The following COMMD7 variants were observed in gnomAD, a reference collection of about 807,000 sequenced individuals.
COMMD7 encodes the protein COMM domain containing 7.
Under a neutral mutation model 34.8 loss-of-function variants are expected in COMMD7, and 28 were observed. That is an observed-to-expected ratio of 0.80 (90% CI 0.60 to 1.10). The LOEUF (loss-of-function observed/expected upper bound fraction) is 1.10, where lower values mean the gene tolerates loss of function less well. COMMD7 is among the 50% of genes least tolerant of loss of function. COMMD7 has a pLI of 0.00. For missense variants in COMMD7, 211 were observed against 241.6 expected (o/e 0.87, Z 0.84); for synonymous variants, 80 against 86.4 (o/e 0.93, Z 0.41).
chr20:32,736,247 G>C (rs1986124928), intron 1 of COMMD7, among the ~76,000 whole-genome samples: 1 of 152,172 alleles, frequency 6.6e-6, no homozygotes, highest in South Asian at 2.1e-4. Context: ...CTACACCTTA[G>C]AATTCAAAAT....
intron 3 of COMMD7, among the ~76,000 whole-genome samples, chr20:32,714,621 C>T (rs541688871): frequency 6.6e-6 from 1 of 150,560 alleles, no homozygotes; most frequent in East Asian, 2.0e-4. Flanking sequence ...GGCAGGAGTT[C>T]GAGGCCAGCC....
intron 1 of COMMD7, among the ~76,000 whole-genome samples, chr20:32,741,380 C>A (rs1986434927): frequency 7.4e-6 from 1 of 134,324 alleles, no homozygotes. Flanking sequence ...TGCCACCGTA[C>A]CCAACTAGAA....
intron 3 of COMMD7, among the ~76,000 whole-genome samples, chr20:32,717,816 TA>T (rs1183417714): frequency 6.6e-6 from 1 of 151,206 alleles, no homozygotes; most frequent in South Asian, 2.1e-4. Flanking sequence ...AAACATTTTT[TA>T]AAAAAGGCAA....
intron 3 of COMMD7, among the ~76,000 whole-genome samples, chr20:32,723,229 C>T (rs1985301023): frequency 2.3e-5 from 1 of 44,146 alleles, no homozygotes; most frequent in Admixed American, 1.7e-4. Context: ...CATCTCGGCT[C>T]ACTGCAACCT....
chr20:32,717,376 A>G (rs1984861217), intron 3 of COMMD7, among the ~76,000 whole-genome samples: 1 of 147,794 alleles, frequency 6.8e-6, no homozygotes, highest in Admixed American at 6.9e-5. Context: ...CCCAGGCTGG[A>G]GTGCAGTGGT....
intron 3 of COMMD7, among the ~76,000 whole-genome samples, 167 bp downstream of exon 3, chr20:32,727,726 A>G (rs1985596694): frequency 6.6e-6 from 1 of 151,978 alleles, no homozygotes; most frequent in African/African-American, 2.4e-5. Flanking sequence ...CAACTATACT[A>G]TGTTCACCTG....
At chr20:32,715,854 A>G (rs1334572080) in intron 3 of COMMD7, among the ~76,000 whole-genome samples, 1 of 152,232 alleles carries the variant, frequency 6.6e-6, no homozygotes, top group Non-Finnish European at 1.5e-5. Context: ...AATTAATTAA[A>G]AACAGGCTTA....
intron 1 of COMMD7, among the ~76,000 whole-genome samples, chr20:32,740,009 G>A (rs1489091978): frequency 7.3e-6 from 1 of 137,348 alleles, no homozygotes; most frequent in Non-Finnish European, 1.6e-5. Context: ...GCAACAAAGC[G>A]AGACTGTCTT....
intron 1 of COMMD7, among the ~76,000 whole-genome samples, chr20:32,732,794 G>A (rs1248890136): frequency 1.3e-5 from 2 of 151,906 alleles, no homozygotes; most frequent in Non-Finnish European, 2.9e-5. Flanking sequence ...AAATTAGCCG[G>A]TCTTGGAAGT....
intron 1 of COMMD7, among the ~76,000 whole-genome samples, chr20:32,731,911 T>C (rs1166634506): frequency 6.6e-6 from 1 of 152,128 alleles, no homozygotes; most frequent in South Asian, 2.1e-4. Flanking sequence ...ACTAGAGAAA[T>C]GCAAATCAGT....
At chr20:32,732,643 G>A (rs922529859) in intron 1 of COMMD7, among the ~76,000 whole-genome samples, 5 of 151,886 alleles carry the variant, frequency 3.3e-5, no homozygotes, top group Non-Finnish European at 1.5e-5. Context: ...AAGAAAAAAA[G>A]AGGCCTGGCA....
chr20:32,726,426 G>T (rs907358681), intron 3 of COMMD7, among the ~76,000 whole-genome samples: 1 of 152,006 alleles, frequency 6.6e-6, no homozygotes, highest in African/African-American at 2.4e-5. Flanking sequence ...TCAAGCCCAG[G>T]CACAGGGACT....
rs781297062 is a variant in COMMD7, at chr20:32,706,600, T to C, written c.319A>G (p.Thr107Ala). The C allele has an allele frequency of 5.6e-6, 9 of 1,609,412 alleles. No individual in the cohort carries two copies. The highest frequency in any genetic ancestry group is 5.3e-5 in the African/African-American group (4 of 74,872). The change falls in exon 5 of 9, where the codon ACT (threonine) becomes GCT (alanine). Residue 107 changes from threonine to alanine, a missense_variant. Physicochemically the swap from Thr to Ala is moderately conservative, Grantham distance 58. Transcript: ENST00000278980. ...ITLGLSEEKA[T>A]YFSEKWKQNA... ...AATTATACCTTTTCAGAAAAGTAAG[T>C]GGCTTTCTCCTCACTAAGACCTATA...
At chr20:32,703,924 T>C (rs1983900587) in intron 8 of COMMD7, 99 bp downstream of exon 8, 2 of 1,592,570 alleles carry the variant, frequency 1.3e-6, no homozygotes, top group South Asian at 1.1e-5. Flanking sequence ...TGGCAATGAC[T>C]GTTTTTATAG....
chr20:32,708,022 A>T (rs1325150107), intron 3 of COMMD7, among the ~76,000 whole-genome samples: 1 of 152,184 alleles, frequency 6.6e-6, no homozygotes. Flanking sequence ...TGTCCTAAGA[A>T]GTTAGCTTTC....
chr20:32,725,184 T>C (rs1985432325), intron 3 of COMMD7, among the ~76,000 whole-genome samples: 2 of 151,934 alleles, frequency 1.3e-5, no homozygotes, highest in South Asian at 4.1e-4. Context: ...ATCTAAAGAA[T>C]GAAGGTGATG....
intron 1 of COMMD7, among the ~76,000 whole-genome samples, chr20:32,741,158 CAA>C (rs34360055): frequency 6.7e-6 from 1 of 149,408 alleles, no homozygotes; most frequent in African/African-American, 2.4e-5. Context: ...AACAAACAAA[CAA>C]AAAAAAACTG....
chr20:32,717,124 C>A (rs765997652), intron 3 of COMMD7, among the ~76,000 whole-genome samples: 2 of 151,926 alleles, frequency 1.3e-5, no homozygotes, highest in Non-Finnish European at 2.9e-5. Flanking sequence ...AGCCACCGTG[C>A]CCAGCCCGGG....
intron 3 of COMMD7, among the ~76,000 whole-genome samples, chr20:32,726,190 C>G (rs566806765): frequency 9.7e-4 from 147 of 151,706 alleles, no homozygotes; most frequent in African/African-American, 3.5e-3. Flanking sequence ...GAGTTCAAGA[C>G]CACCAGCCTG....
Sources: allele counts gnomAD v4.1 joint callset (sites outside exome capture counted in the v4.1 genomes callset), GRCh38; gene constraint gnomAD v4.1.1; transcripts MANE v1.5; gene names NCBI Gene and HGNC (gene_info 2026-07-23, HGNC 2026-07-21).